The following ZFYVE26 variants were observed in gnomAD, a reference collection of about 807,000 sequenced individuals.
The protein encoded by ZFYVE26 is zinc finger FYVE domain-containing protein 26.
In ZFYVE26, 181 loss-of-function variants were observed where a neutral mutation model predicts 276.5. The observed-to-expected ratio is 0.65, with a 90% CI of 0.58 to 0.74. ZFYVE26 has a LOEUF of 0.74. ZFYVE26 is among the 30% of genes least tolerant of loss of function. The probability of loss-of-function intolerance (pLI) is 0.00; values close to 1 mark genes in which losing one functional copy is unlikely to be tolerated. For synonymous variants in ZFYVE26, 1,129 were observed against 1,203.1 expected (o/e 0.94, Z 1.27); for missense variants, 2,821 against 3,097.9 (o/e 0.91, Z 2.12).
chr14:67,772,354 C>T (rs985129092), intron 27 of ZFYVE26, 144 bp from the exon 28 acceptor site: 14 of 995,948 alleles, frequency 1.4e-5, no homozygotes, highest in Non-Finnish European at 2.1e-5. Flanking sequence ...CTGTTTGTGT[C>T]ATAAAAGAGA....
intron 32 of ZFYVE26, among the ~76,000 whole-genome samples, chr14:67,763,151 C>A (rs1001179006): frequency 2.0e-5 from 3 of 152,152 alleles, no homozygotes; most frequent in African/African-American, 7.2e-5. Context: ...GTGATCCGTC[C>A]ACCTCGGCCT....
intron 16 of ZFYVE26, among the ~76,000 whole-genome samples, chr14:67,786,720 G>C (rs923547801): frequency 6.6e-6 from 1 of 152,176 alleles, no homozygotes; most frequent in Admixed American, 6.5e-5. Context: ...TCAGTATATT[G>C]AAGAGATATT....
intron 23 of ZFYVE26, among the ~76,000 whole-genome samples, chr14:67,779,743 C>T (rs2140217984): frequency 6.6e-6 from 1 of 152,098 alleles, no homozygotes; most frequent in Admixed American, 6.5e-5. Context: ...ACATTCTGTA[C>T]CTAACGTACA....
At position 67,730,985 on chromosome 14, in the gene ZFYVE26, G is replaced by C. The variant is rs563414225; in HGVS notation, n.2680-1166C>G. Among the ~76,000 whole-genome samples the C allele has an allele frequency of 4.6e-5, 7 of 152,198 alleles. No individual in the cohort carries two copies. In the East Asian group the frequency reaches 1.4e-3, roughly 29 times the overall value. On this transcript the variant is annotated intron_variant and non_coding_transcript_variant, in intron 13 of 14. Transcript: ENST00000394455. The stretch of plus-strand genomic sequence containing the variant: ...TATCTCATTTTATATTTTTAAATGA[G>C]ATAAAAGATATCTCATTTTTTATAT...
chr14:67,802,439 C>T (rs1335500673), intron 9 of ZFYVE26, among the ~76,000 whole-genome samples, 157 bp from the exon 10 acceptor site: 1 of 152,200 alleles, frequency 6.6e-6, no homozygotes, highest in African/African-American at 2.4e-5. Context: ...ACTTCTAGGG[C>T]TTTTCCTCAA....
At chr14:67,797,928 C>G in intron 11 of ZFYVE26, 86 bp downstream of exon 11, 1 of 1,606,000 alleles carries the variant, frequency 6.2e-7, no homozygotes, top group South Asian at 1.1e-5. Flanking sequence ...TGGGGTGACT[C>G]CTATGTACTC....
intron 13 of ZFYVE26, among the ~76,000 whole-genome samples, chr14:67,739,298 G>A (rs1323200075): frequency 6.6e-6 from 1 of 152,174 alleles, no homozygotes; most frequent in African/African-American, 2.4e-5. Context: ...CGCACACGCC[G>A]AGGGTGGTGA....
intron 16 of ZFYVE26, among the ~76,000 whole-genome samples, chr14:67,787,048 A>G: frequency 6.6e-6 from 1 of 152,188 alleles, no homozygotes; most frequent in East Asian, 1.9e-4. Context: ...CTGGGAAGGT[A>G]GTAAGGGGTG....
chr14:67,805,205 A>G lies in ZFYVE26; in HGVS notation c.1271+12T>C. ...CCTGTGGTGGGCAGGCGCTGACTGC[A>G]CAGGGCCATACCTGCTCTGCTGTAT... On this transcript the variant is annotated intron_variant, in intron 8 of 41. Coordinates refer to ENST00000347230, the MANE Select transcript of ZFYVE26 (RefSeq NM_015346.4). The G allele has an allele frequency of 1.9e-6, 3 of 1,613,088 alleles. No individual in the cohort carries two copies. Among genetic ancestry groups the G allele is most frequent in the South Asian group, 1.1e-5 (1 of 90,926 alleles).
intron 40 of ZFYVE26, 136 bp from the exon 41 acceptor site, chr14:67,751,232 A>T (rs1186932178): frequency 2.2e-6 from 2 of 903,892 alleles, no homozygotes; most frequent in Non-Finnish European, 3.6e-6. Flanking sequence ...TCTCAAAGAC[A>T]TGGGGTCTCA....
intron 12 of ZFYVE26, 117 bp downstream of exon 12, chr14:67,797,555 A>C (rs2039980503): frequency 4.4e-6 from 5 of 1,132,438 alleles, no homozygotes; most frequent in Non-Finnish European, 2.6e-6. Context: ...GGGAGTGGGA[A>C]TAGGATAATT....
intron 32 of ZFYVE26, among the ~76,000 whole-genome samples, chr14:67,763,753 G>T (rs982414593): frequency 1.3e-5 from 2 of 152,186 alleles, no homozygotes; most frequent in African/African-American, 4.8e-5. Flanking sequence ...GATAATGTCC[G>T]GAACTTTTCT....
chr14:67,762,872 G>A, intron 32 of ZFYVE26, 53 bp from the exon 33 acceptor site: 1 of 1,607,948 alleles, frequency 6.2e-7, no homozygotes, highest in Non-Finnish European at 8.5e-7. Context: ...CTTACTAAGA[G>A]TAGCCGCTTA....
In ZFYVE26 at chr14:67,755,972, C is replaced by T. The variant is rs747600168; in HGVS notation, c.6762G>A (p.Leu2254=). The change falls in exon 36 of 42, where the codon CTG becomes CTA. Residue 2254 remains leucine, a synonymous_variant. Coordinates refer to ENST00000347230, the MANE Select transcript of ZFYVE26 (RefSeq NM_015346.4). The part of the protein sequence containing the change: ...HLQKKNYYHI[L]YELQQFMKDQ... ...CCTTCATAAACTGCTGCAGCTCATA[C>T]AGAATGTGGTAGTAGTTCTTCTTCT... 28 of 1,614,258 alleles carry T rather than the reference C, an allele frequency of 1.7e-5. No individual in the cohort carries two copies. The African/African-American group carries it at 2.9e-4, about 17-fold the overall frequency.
At chr14:67,772,970 G>GA (rs1255549027) in intron 27 of ZFYVE26, among the ~76,000 whole-genome samples, 4 of 151,702 alleles carry the variant, frequency 2.6e-5, no homozygotes, top group African/African-American at 9.7e-5. Flanking sequence ...AAAAGAAAAA[G>GA]AAAAAAAGAT....
rs1279334070 is a variant in ZFYVE26, at chr14:67,785,903, G to C, written c.3259C>G (p.Leu1087Val). Residue 1087 changes from leucine to valine, a missense_variant, in exon 18 of 42, where the codon CTA becomes GTA. Transcript: ENST00000347230. ...CTCAGTGACTGAAGGACCTGATCTAGCTGCTGGGAGAGGGTGGTGTGGCTG... is the reference window on the plus strand; with the variant it reads ...CTCAGTGACTGAAGGACCTGATCTACCTGCTGGGAGAGGGTGGTGTGGCTG... ...VASHTTLSQQLDQVLQSLREA... is the reference protein window; with the variant it reads ...VASHTTLSQQVDQVLQSLREA... The C allele has an allele frequency of 1.9e-6, 3 of 1,614,080 alleles. No homozygotes were observed. The highest frequency in any genetic ancestry group is 2.5e-6 in the Non-Finnish European group (3 of 1,180,054).
At chr14:67,788,543 A>G (rs1241570091) in intron 16 of ZFYVE26, among the ~76,000 whole-genome samples, 2 of 152,226 alleles carry the variant, frequency 1.3e-5, no homozygotes, top group African/African-American at 4.8e-5. Flanking sequence ...GACTCTTGGA[A>G]GCTTGCACCT....
intron 4 of ZFYVE26, 92 bp from the exon 5 acceptor site, chr14:67,808,012 T>C: frequency 6.8e-7 from 1 of 1,468,916 alleles, no homozygotes; most frequent in South Asian, 1.2e-5. Flanking sequence ...TTCAGTTTAC[T>C]TATATAATAG....
In ZFYVE26 at chr14:67,807,836, T is replaced by C. The variant is rs868691374; in HGVS notation, c.448A>G (p.Ser150Gly). 5.0e-6 allele frequency: 8 copies of C among 1,614,002 alleles called. No individual in the cohort carries two copies. The highest frequency in any genetic ancestry group is 3.3e-4 in the Middle Eastern group (2 of 6,062). Residue 150 changes from serine to glycine, a missense_variant, in exon 5 of 42, where the codon AGC (serine) becomes GGC (glycine). Coordinates refer to ENST00000347230, the MANE Select transcript of ZFYVE26 (RefSeq NM_015346.4). ...CAGAGCACAGAGACAGCTTCGGAGC[T>C]GAGACGAGGAGTCCAGCTCTCCCTC... ...PRRESWTPRL[S>G]SEAVSVLWDL... is the part of the protein sequence containing the mutation.
Sources: allele counts gnomAD v4.1 joint callset (sites outside exome capture counted in the v4.1 genomes callset), GRCh38; gene constraint gnomAD v4.1.1; transcripts MANE v1.5; gene names NCBI Gene and HGNC (gene_info 2026-07-23, HGNC 2026-07-21).